Variants in ZC3H11A observed in about 807,000 individuals in gnomAD.
The protein encoded by ZC3H11A is zinc finger CCCH-type containing 11A.
In ZC3H11A, 22 loss-of-function variants were observed where a neutral mutation model predicts 90.8. The observed-to-expected ratio is 0.24, with a 90% confidence interval of 0.17 to 0.35. ZC3H11A has a LOEUF of 0.35. Ranked by LOEUF, ZC3H11A falls within the 10% of genes least tolerant of loss-of-function variation. The pLI is 1.00. For synonymous variants in ZC3H11A, 294 were observed against 339.8 expected, an observed-to-expected ratio of 0.87 and a Z score of 1.48; for missense variants, 701 against 964.9, an observed-to-expected ratio of 0.73 and a Z score of 3.62.
At chr1:203,832,362 T>C (rs1682665707) in intron 9 of ZC3H11A, among the ~76,000 whole-genome samples, 1 of 151,578 alleles carries the variant, frequency 6.6e-6, no homozygotes, top group Admixed American at 6.6e-5. Flanking sequence ...TTCTTGGCCA[T>C]TAATTTTTTT....
At chr1:203,810,209 C>T (rs1673903270) in intron 2 of ZC3H11A, among the ~76,000 whole-genome samples, 1 of 151,342 alleles carries the variant, frequency 6.6e-6, no homozygotes, top group South Asian at 2.1e-4. Context: ...CTCCTGGTCT[C>T]AAGTGATCCT....
Position 203,818,748 on chromosome 1 carries a change from A to C in ZC3H11A, c.174+59A>C, listed in dbSNP as rs191907007. On this transcript the variant is annotated intron_variant, in intron 4 of 17. Coordinates refer to ENST00000367210, the MANE Select transcript of ZC3H11A (RefSeq NM_001376342.1). ...GTCTGGAGACCTGGTGGGCCAATAA[A>C]AAATATAGGGACAAAAGTGACTTTT... 1.5e-5 allele frequency: 24 copies of C among 1,610,592 alleles called. 1 individual carries two copies. The South Asian group carries it at 2.4e-4, about 16-fold the overall frequency.
At position 203,851,258 on chromosome 1, in the gene ZC3H11A, G is replaced by A. The variant is rs1689181154; in HGVS notation, c.2174+134G>A. The A allele has an allele frequency of 6.2e-6, 5 of 802,590 alleles. No homozygotes were observed. The East Asian group carries it at 1.3e-4, about 21-fold the overall frequency. 49.7% of individuals were successfully genotyped at this position (802,590 alleles called of 1,614,324 possible). ...TGCACTTCAAATTAATTGCAAGAAA[G>A]TATGAAAATCTAGGGTTGCTGTTCT... On this transcript the variant is annotated intron_variant, in intron 17 of 17. Transcript: ENST00000367210.
intron 4 of ZC3H11A, among the ~76,000 whole-genome samples, chr1:203,825,903 A>C (rs1184012322): frequency 6.6e-6 from 1 of 152,174 alleles, no homozygotes; most frequent in Non-Finnish European, 1.5e-5. Flanking sequence ...TCTTCGTTGC[A>C]CATATATTAC....
chr1:203,829,360 T>A, intron 5 of ZC3H11A, 91 bp from the exon 6 acceptor site: 1 of 1,285,836 alleles, frequency 7.8e-7, no homozygotes, highest in South Asian at 1.3e-5. Context: ...ATAAGACAAA[T>A]ACACTATAGT....
At chr1:203,800,256 A>G (rs1047278047) in intron 1 of ZC3H11A, 1 of 1,113,968 alleles carries the variant, frequency 9.0e-7, no homozygotes, top group Non-Finnish European at 1.3e-6. Context: ...CCCCATGTGT[A>G]GTTGGCAATC....
At position 203,845,793 on chromosome 1, in the gene ZC3H11A, G is replaced by A. The variant is rs1354859897; in HGVS notation, c.1043-1391G>A. Among the ~76,000 whole-genome samples the A allele has an allele frequency of 2.0e-5, 3 of 152,126 alleles. No individual in the cohort carries two copies. The East Asian group carries it at 5.8e-4, about 29-fold the overall frequency. On this transcript the variant is annotated intron_variant, in intron 12 of 17. Transcript: ENST00000367210. ...GGCAGAGAATCACTTGAACCCAGGA[G>A]ATGTAGGTTGCGGTGAGTCAAGATG...
chr1:203,836,453 G>C lies in ZC3H11A; in HGVS notation c.875-1513G>C, dbSNP rs190494154. Among the ~76,000 whole-genome samples the C allele has an allele frequency of 1.3e-3, 204 of 152,242 alleles. 2 individuals carry two copies. Among genetic ancestry groups the C allele is most frequent in the African/African-American group, 4.7e-3 (197 of 41,548 alleles). ...TTTTAAACAACTTGTATTGAACAGTGTAATAAAACTAGAAGGCTGGGCGCG... is the reference window on the plus strand; with the variant it reads ...TTTTAAACAACTTGTATTGAACAGTCTAATAAAACTAGAAGGCTGGGCGCG... On this transcript the variant is annotated intron_variant, in intron 10 of 17. Transcript: ENST00000367210.
chr1:203,840,100 A>G lies in ZC3H11A; in HGVS notation c.974-206A>G, dbSNP rs182756734. Among the ~76,000 whole-genome samples the G allele has an allele frequency of 7.3e-5, 11 of 151,214 alleles. No homozygotes were observed. The East Asian group carries it at 2.1e-3, about 29-fold the overall frequency. Reference sequence around the variant, plus strand: ...ATTACAAGCGTGAGCCACTGCGCCCAGCTAATTTTTGCAATTTTAGTAGAG... The same window carrying G: ...ATTACAAGCGTGAGCCACTGCGCCCGGCTAATTTTTGCAATTTTAGTAGAG... On this transcript the variant is annotated intron_variant, in intron 11 of 17. Transcript: ENST00000367210.
At chr1:203,834,650 AATT>A (rs1047281590) in intron 10 of ZC3H11A, among the ~76,000 whole-genome samples, 33 of 152,004 alleles carry the variant, frequency 2.2e-4, no homozygotes, top group African/African-American at 6.8e-4. Flanking sequence ...GACTCCAAAA[AATT>A]ATTATTATCA....
At chr1:203,823,259 G>A (rs535282074) in intron 4 of ZC3H11A, among the ~76,000 whole-genome samples, 8 of 152,296 alleles carry the variant, frequency 5.3e-5, no homozygotes, top group Admixed American at 4.6e-4. Context: ...AAAAGACACT[G>A]GAGGAATCTG....
intron 2 of ZC3H11A, 87 bp downstream of exon 2, chr1:203,803,103 T>C (rs1452666394): frequency 6.6e-6 from 1 of 152,424 alleles, no homozygotes; most frequent in African/African-American, 2.4e-5. Flanking sequence ...AGTAAGAAAT[T>C]AAAAGGCCAT....
chr1:203,806,842 T>C (rs1275423110), intron 2 of ZC3H11A, among the ~76,000 whole-genome samples: 2 of 150,914 alleles, frequency 1.3e-5, no homozygotes, highest in Non-Finnish European at 3.0e-5. Context: ...TTTTTTTTTT[T>C]TTTTTGCTAT....
At chr1:203,807,827 G>A (rs768072995) in intron 2 of ZC3H11A, among the ~76,000 whole-genome samples, 5 of 151,918 alleles carry the variant, frequency 3.3e-5, no homozygotes, top group Admixed American at 3.3e-4. Flanking sequence ...CTGCAGCCTC[G>A]ACCTCTTGGG....
At chr1:203,817,734 T>C (rs996156230) in intron 3 of ZC3H11A, among the ~76,000 whole-genome samples, 8 of 152,036 alleles carry the variant, frequency 5.3e-5, no homozygotes, top group Non-Finnish European at 1.2e-4. Context: ...AAATTTGTTC[T>C]TCAGTCATCT....
At chr1:203,842,098 C>T (rs912694886) in intron 12 of ZC3H11A, among the ~76,000 whole-genome samples, 8 of 147,962 alleles carry the variant, frequency 5.4e-5, no homozygotes, top group East Asian at 4.1e-4. Context: ...TGGGAAGAGG[C>T]GCTCCTCACT....
chr1:203,849,763 G>T lies in ZC3H11A; in HGVS notation c.1676G>T (p.Cys559Phe). ...ATCACTAAAATTCAAGTCAAGAGATGTGAGACCATGAGAGAGAAGCACATG... is the reference window on the plus strand; with the variant it reads ...ATCACTAAAATTCAAGTCAAGAGATTTGAGACCATGAGAGAGAAGCACATG... ...VDITKIQVKR[C>F]ETMREKHMQK... The change falls in exon 15 of 18, where the codon TGT (cysteine) becomes TTT (phenylalanine). Residue 559 changes from cysteine to phenylalanine, a missense_variant. Transcript: ENST00000367210. The T allele has an allele frequency of 6.2e-7, 1 of 1,613,936 alleles. No individual in the cohort carries two copies. Among genetic ancestry groups the T allele is most frequent in the East Asian group, 2.2e-5 (1 of 44,870 alleles).
chr1:203,799,379 G>T (rs892229711), intron 1 of ZC3H11A: 5 of 703,348 alleles, frequency 7.1e-6, no homozygotes, highest in Non-Finnish European at 1.3e-5. Flanking sequence ...TTAGTCATTC[G>T]GTCAAGGCCC....
At chr1:203,810,868 C>T (rs1203064374) in intron 2 of ZC3H11A, among the ~76,000 whole-genome samples, 4 of 151,782 alleles carry the variant, frequency 2.6e-5, no homozygotes, top group South Asian at 2.1e-4. Context: ...CAGACGCTCA[C>T]GCCTGTAATC....
Sources: gnomAD v4.1 joint callset for allele counts (sites outside exome capture counted in the v4.1 genomes callset) on GRCh38, gnomAD v4.1.1 for gene constraint, MANE v1.5 for transcripts, NCBI Gene and HGNC (gene_info 2026-07-23, HGNC 2026-07-21) for gene names.